The following PKNOX2 variants were observed in gnomAD, a reference collection of about 807,000 sequenced individuals.
The protein encoded by PKNOX2 is PBX/knotted 1 homeobox 2.
Under a neutral mutation model 53.1 loss-of-function variants are expected in PKNOX2, and 14 were observed. That is an observed-to-expected ratio of 0.26 (90% CI 0.17 to 0.41). PKNOX2 has a LOEUF of 0.41. Ranked by LOEUF, PKNOX2 falls within the 10% of genes least tolerant of loss-of-function variation. The pLI, the probability that PKNOX2 is intolerant of heterozygous loss-of-function variation, is 1.00. For missense variants in PKNOX2, 496 were observed against 602.8 expected (o/e 0.82, Z 1.85); for synonymous variants, 257 against 242.8 (o/e 1.06, Z -0.54).
intron 3 of PKNOX2, among the ~76,000 whole-genome samples, chr11:125,343,053 G>T (rs1950781785): frequency 6.6e-6 from 1 of 152,132 alleles, no homozygotes. Context: ...GCCACAGGCT[G>T]GGGGAGGGAG....
intron 3 of PKNOX2, among the ~76,000 whole-genome samples, chr11:125,332,256 CATT>C (rs1252658168): frequency 6.8e-6 from 1 of 147,680 alleles, no homozygotes; most frequent in East Asian, 2.1e-4. Context: ...CTGGAGCAAA[CATT>C]ATCACCCATG....
At chr11:125,284,154 T>C in intron 2 of PKNOX2, among the ~76,000 whole-genome samples, 1 of 152,178 alleles carries the variant, frequency 6.6e-6, no homozygotes, top group Non-Finnish European at 1.5e-5. Flanking sequence ...CTCAAGTGCT[T>C]CATGTAATGC....
intron 2 of PKNOX2, among the ~76,000 whole-genome samples, chr11:125,266,232 G>C (rs1361577466): frequency 6.6e-6 from 1 of 152,220 alleles, no homozygotes; most frequent in African/African-American, 2.4e-5. Context: ...AGATTTCTCT[G>C]ATTTTAGGAG....
At chr11:125,194,148 G>A (rs1957040968) in intron 1 of PKNOX2, among the ~76,000 whole-genome samples, 1 of 152,192 alleles carries the variant, frequency 6.6e-6, no homozygotes, top group Non-Finnish European at 1.5e-5. Context: ...GGTCTCTGCT[G>A]AGCCCTGTGT....
intron 2 of PKNOX2, among the ~76,000 whole-genome samples, chr11:125,237,335 G>A (rs1326204355): frequency 1.3e-5 from 2 of 152,210 alleles, no homozygotes; most frequent in Admixed American, 6.5e-5. Flanking sequence ...AACTGGGGCA[G>A]TTGCAAAGGT....
intron 1 of PKNOX2, among the ~76,000 whole-genome samples, chr11:125,225,835 G>T (rs1251600398): frequency 1.3e-5 from 2 of 152,220 alleles, no homozygotes; most frequent in African/African-American, 4.8e-5. Context: ...CATGTGTTCT[G>T]CCCTGGGGTG....
In PKNOX2 at chr11:125,165,556, G is replaced by A. The variant is rs1954800721; in HGVS notation, c.-201+780G>A. Among the ~76,000 whole-genome samples the A allele has an allele frequency of 6.6e-6, 1 of 152,208 alleles. No homozygotes were observed. The highest frequency in any genetic ancestry group is 1.5e-5 in the Non-Finnish European group (1 of 68,020). ...GGAGCCGCGGCCGCGGCCTGGGGAG[G>A]CAGGGCGAATGAGGGTTTGCAGACG... is the stretch of plus-strand genomic sequence containing the variant. On this transcript the variant is annotated intron_variant, in intron 1 of 12. Coordinates refer to ENST00000298282, the MANE Select transcript of PKNOX2 (RefSeq NM_001382323.2). The surrounding 1 kb of genome is among the most constrained non-coding windows in gnomAD (Gnocchi z 4.5).
chr11:125,414,028 C>G (rs1955727703), intron 10 of PKNOX2, among the ~76,000 whole-genome samples: 1 of 152,162 alleles, frequency 6.6e-6, no homozygotes, highest in Non-Finnish European at 1.5e-5. Context: ...CCATCTCTGT[C>G]CCTCCTGGTC....
At chr11:125,174,215 C>T (rs541421901) in intron 1 of PKNOX2, among the ~76,000 whole-genome samples, 1 of 152,228 alleles carries the variant, frequency 6.6e-6, no homozygotes, top group South Asian at 2.1e-4. Context: ...GGCCCAGGGG[C>T]GACAGGTGCT....
intron 5 of PKNOX2, among the ~76,000 whole-genome samples, chr11:125,381,624 T>C (rs1953233763): frequency 6.6e-6 from 1 of 151,978 alleles, no homozygotes; most frequent in Admixed American, 6.6e-5. Flanking sequence ...GAGGTGCATG[T>C]TCCCTGCTGT....
chr11:125,355,868 C>G (rs1262362152), intron 4 of PKNOX2, among the ~76,000 whole-genome samples: 1 of 152,134 alleles, frequency 6.6e-6, no homozygotes, highest in Non-Finnish European at 1.5e-5. Flanking sequence ...AAATGTCACT[C>G]GAGACCTTCC....
intron 6 of PKNOX2, among the ~76,000 whole-genome samples, chr11:125,392,775 G>T (rs1405111137): frequency 6.6e-6 from 1 of 151,934 alleles, no homozygotes; most frequent in African/African-American, 2.4e-5. Context: ...GAGAAAGAAG[G>T]AAAAAAGGAA....
chr11:125,213,816 A>G (rs1234932972), intron 1 of PKNOX2, among the ~76,000 whole-genome samples: 2 of 152,134 alleles, frequency 1.3e-5, no homozygotes, highest in Non-Finnish European at 2.9e-5. Flanking sequence ...AATTCTGGCC[A>G]CATGTGATCC....
chr11:125,244,119 GGAA>G (rs1171238859), intron 2 of PKNOX2, among the ~76,000 whole-genome samples: 1 of 152,242 alleles, frequency 6.6e-6, no homozygotes, highest in Non-Finnish European at 1.5e-5. Context: ...GGCAAAGCAA[GGAA>G]GAAGAAGCTG....
chr11:125,431,426 G>A lies in PKNOX2; in HGVS notation c.*34G>A, dbSNP rs1379607871. Reference sequence around the variant, plus strand: ...CCCAGATGGCACTGATCACTGAGCAGGAGAGGAGTGTCGCCGGGAGGCCTT... The same window carrying A: ...CCCAGATGGCACTGATCACTGAGCAAGAGAGGAGTGTCGCCGGGAGGCCTT... On this transcript the variant is annotated 3_prime_UTR_variant, in exon 13 of 13. Coordinates refer to ENST00000298282, the MANE Select transcript of PKNOX2 (RefSeq NM_001382323.2). The A allele has an allele frequency of 1.3e-6, 2 of 1,533,290 alleles. No individual in the cohort carries two copies. Among genetic ancestry groups the A allele is most frequent in the Non-Finnish European group, 8.8e-7 (1 of 1,134,190 alleles). The allele number at this position is 1,533,290 out of a possible 1,614,324, so 95.0% of individuals were successfully genotyped here. A position where few individuals can be genotyped will look rare whatever the true frequency, so the allele number is the denominator to read the frequency against.
chr11:125,373,088 G>C (rs1348263466), intron 5 of PKNOX2, among the ~76,000 whole-genome samples: 2 of 152,238 alleles, frequency 1.3e-5, no homozygotes, highest in Non-Finnish European at 2.9e-5. Flanking sequence ...CCTATAGCCA[G>C]AGGTGCAAAT....
chr11:125,325,090 G>C (rs1949755816), intron 2 of PKNOX2, among the ~76,000 whole-genome samples: 1 of 152,188 alleles, frequency 6.6e-6, no homozygotes, highest in Admixed American at 6.5e-5. Flanking sequence ...CAAGTGGGCT[G>C]GTCTTAGCTG....
chr11:125,378,618 G>A lies in PKNOX2; in HGVS notation c.228-6933G>A, dbSNP rs1952991500. 2.6e-5 allele frequency among the ~76,000 whole-genome samples: 4 copies of A among 152,210 alleles called. No individual in the cohort carries two copies. The South Asian group carries it at 8.3e-4, about 32-fold the overall frequency. On this transcript the variant is annotated intron_variant, in intron 5 of 12. Coordinates refer to ENST00000298282, the MANE Select transcript of PKNOX2 (RefSeq NM_001382323.2). Reference sequence around the variant, plus strand: ...CAAGGTCAGTCACAGGAAAGGAGGTGGATGGCCCAGGCAGGCAGCCACACA... The same window carrying A: ...CAAGGTCAGTCACAGGAAAGGAGGTAGATGGCCCAGGCAGGCAGCCACACA...
Position 125,429,978 on chromosome 11 carries a change from G to C in PKNOX2, c.1029G>C (p.Arg343=). The change falls in exon 12 of 13, where the codon CGG becomes CGC. Residue 343 remains arginine (R), a synonymous_variant. Transcript: ENST00000298282. ...LQVNNWFINA[R]RRILQPMLDA... ...CTCTGGGCAGGTTCATCAATGCCCGGAGGCGCATCCTGCAGCCCATGCTTG... is the reference window on the plus strand; with the variant it reads ...CTCTGGGCAGGTTCATCAATGCCCGCAGGCGCATCCTGCAGCCCATGCTTG... The C allele has an allele frequency of 6.2e-7, 1 of 1,614,020 alleles. No homozygotes were observed. Among genetic ancestry groups the C allele is most frequent in the South Asian group, 1.1e-5 (1 of 91,078 alleles).
Sources: allele counts gnomAD v4.1 joint callset (sites outside exome capture counted in the v4.1 genomes callset), GRCh38; gene constraint gnomAD v4.1.1; non-coding constraint Gnocchi (gnomAD v3.1); transcripts MANE v1.5; gene names NCBI Gene and HGNC (gene_info 2026-07-23, HGNC 2026-07-21).